Variants in PARM1 observed in about 807,000 individuals in gnomAD.
The protein encoded by PARM1 is prostate androgen-regulated mucin-like protein 1.
A neutral mutation model predicts 24.6 loss-of-function variants in PARM1; 14 were observed. That is an observed-to-expected ratio of 0.57 (90% CI 0.38 to 0.89). PARM1 has a LOEUF of 0.89. PARM1 is among the 40% of genes least tolerant of loss of function. The probability of loss-of-function intolerance (pLI) is 0.00; values close to 1 mark genes in which losing one functional copy is unlikely to be tolerated. For synonymous variants in PARM1, 179 were observed against 156.6 expected, an observed-to-expected ratio of 1.14 and a Z score of -1.07; for missense variants, 362 against 380.4, an observed-to-expected ratio of 0.95 and a Z score of 0.40.
intron 1 of PARM1, among the ~76,000 whole-genome samples, chr4:74,949,388 G>A (rs138322692): frequency 2.0e-5 from 3 of 152,042 alleles, no homozygotes; most frequent in South Asian, 2.1e-4. Flanking sequence ...GCACGATCTC[G>A]GCTCACTGCA....
At chr4:74,948,510 G>A (rs1307971960) in intron 1 of PARM1, among the ~76,000 whole-genome samples, 1 of 152,208 alleles carries the variant, frequency 6.6e-6, no homozygotes, top group Non-Finnish European at 1.5e-5. Flanking sequence ...GAAAAGCACA[G>A]GCACCAGGTG....
intron 1 of PARM1, among the ~76,000 whole-genome samples, chr4:74,948,708 A>C (rs545446103): frequency 2.2e-4 from 34 of 152,328 alleles, no homozygotes; most frequent in African/African-American, 6.0e-4. Flanking sequence ...CTGTGATTAC[A>C]CATCAGCAAA....
At chr4:74,989,727 T>C (rs1281251012) in intron 1 of PARM1, among the ~76,000 whole-genome samples, 1 of 152,170 alleles carries the variant, frequency 6.6e-6, no homozygotes, top group East Asian at 1.9e-4. Flanking sequence ...CTTGGTCTTT[T>C]GGTAACCAGT....
intron 1 of PARM1, among the ~76,000 whole-genome samples, chr4:74,989,009 TA>T (rs1339085149): frequency 1.3e-5 from 2 of 152,190 alleles, no homozygotes; most frequent in African/African-American, 4.8e-5. Context: ...AGAAGTCCTA[TA>T]AGCAGTTTGT....
At chr4:75,004,254 C>T (rs1722732120) in intron 1 of PARM1, among the ~76,000 whole-genome samples, 1 of 152,220 alleles carries the variant, frequency 6.6e-6, no homozygotes, top group Non-Finnish European at 1.5e-5. Context: ...AGCACTTTCT[C>T]TGTGCCAGGC....
At chr4:74,977,276 G>A (rs1352403395) in intron 1 of PARM1, among the ~76,000 whole-genome samples, 8 of 152,156 alleles carry the variant, frequency 5.3e-5, no homozygotes, top group African/African-American at 1.9e-4. Context: ...ATGACCTGAT[G>A]GAGCTGAAAA....
At chr4:75,012,346 G>C in intron 1 of PARM1, 79 bp from the exon 2 acceptor site, 1 of 1,458,810 alleles carries the variant, frequency 6.9e-7, no homozygotes, top group Non-Finnish European at 9.3e-7. Flanking sequence ...TAAAACAGCT[G>C]TGGGTAAAAG....
In PARM1 at chr4:74,947,362, A is replaced by G. The variant is rs539981216; in HGVS notation, c.43+13992A>G. 2.3e-3 allele frequency among the ~76,000 whole-genome samples: 354 copies of G among 151,530 alleles called. 2 individuals are homozygous for G. The highest frequency in any genetic ancestry group is 8.0e-3 in the African/African-American group (329 of 41,282). The stretch of plus-strand genomic sequence containing the variant: ...TTTCTTCAATAAATGAATTACAAGG[A>G]AAAAAAAAGAGATTGAGAGAAAGAT... On this transcript the variant is annotated intron_variant, in intron 1 of 3. Coordinates refer to ENST00000307428, the MANE Select transcript of PARM1 (RefSeq NM_015393.4).
intron 2 of PARM1, among the ~76,000 whole-genome samples, chr4:75,018,397 A>G (rs1297841734): frequency 6.6e-6 from 1 of 152,212 alleles, no homozygotes; most frequent in African/African-American, 2.4e-5. Context: ...TCATATTTTA[A>G]AAGTATTCAA....
intron 1 of PARM1, among the ~76,000 whole-genome samples, chr4:74,979,768 A>G (rs1560782132): frequency 1.3e-5 from 2 of 152,212 alleles, no homozygotes; most frequent in Admixed American, 6.5e-5. Flanking sequence ...TTTATCTGCT[A>G]TGATCAAGTC....
intron 1 of PARM1, among the ~76,000 whole-genome samples, chr4:75,009,663 T>C (rs1360478217): frequency 6.6e-6 from 1 of 152,164 alleles, no homozygotes; most frequent in African/African-American, 2.4e-5. Flanking sequence ...TAAAGTGACA[T>C]GTGGAAAAGA....
At chr4:74,968,900 A>T (rs960025582) in intron 1 of PARM1, among the ~76,000 whole-genome samples, 5 of 152,220 alleles carry the variant, frequency 3.3e-5, no homozygotes, top group Non-Finnish European at 5.9e-5. Flanking sequence ...GGTTCCAGTC[A>T]TTCTGAGAAT....
chr4:74,966,507 A>T (rs905532686), intron 1 of PARM1, among the ~76,000 whole-genome samples: 4 of 152,152 alleles, frequency 2.6e-5, no homozygotes, highest in Non-Finnish European at 5.9e-5. Flanking sequence ...TGTGGTCAGG[A>T]ACTTGATCAG....
chr4:75,002,815 C>G (rs1053329246), intron 1 of PARM1, among the ~76,000 whole-genome samples: 1 of 152,220 alleles, frequency 6.6e-6, no homozygotes, highest in Non-Finnish European at 1.5e-5. Context: ...CTTTGGCCTA[C>G]ACTGCCCCAG....
In PARM1 at chr4:75,046,954, T is replaced by G. The variant is rs1723615667; in HGVS notation, c.*707T>G. The G allele has an allele frequency of 6.6e-6, 1 of 152,372 alleles. No individual in the cohort carries two copies. The allele number at this position is 152,372 out of a possible 1,614,324, so 9.4% of individuals were successfully genotyped here. On this transcript the variant is annotated 3_prime_UTR_variant, in exon 4 of 4. Coordinates refer to ENST00000307428, the MANE Select transcript of PARM1 (RefSeq NM_015393.4). ...GCCACCTGTCTCTGTAAAGGATGTC[T>G]GCTCTGTTCAAAAGGCAGCTGGGAT...
chr4:74,999,376 G>A (rs1352213027), intron 1 of PARM1, among the ~76,000 whole-genome samples: 1 of 152,162 alleles, frequency 6.6e-6, no homozygotes, highest in Non-Finnish European at 1.5e-5. Flanking sequence ...GACCATCTGT[G>A]GGGAGAATAG....
chr4:75,027,820 C>T (rs1286783789), intron 2 of PARM1, among the ~76,000 whole-genome samples: 1 of 152,242 alleles, frequency 6.6e-6, no homozygotes, highest in African/African-American at 2.4e-5. Context: ...AGCCATCACA[C>T]AGCCTAAGGC....
At chr4:74,939,645 T>G (rs1721261451) in intron 1 of PARM1, among the ~76,000 whole-genome samples, 1 of 152,132 alleles carries the variant, frequency 6.6e-6, no homozygotes, top group South Asian at 2.1e-4. Context: ...GCTGGATAAG[T>G]CTATTGGTAT....
At chr4:74,956,762 C>A (rs192083433) in intron 1 of PARM1, 12 of 152,324 alleles carry the variant, frequency 7.9e-5, no homozygotes, top group Admixed American at 7.8e-4. Context: ...CAATGTTAAA[C>A]CTTTTTTCTG....
Sources: allele counts gnomAD v4.1 joint callset (sites outside exome capture counted in the v4.1 genomes callset), GRCh38; gene constraint gnomAD v4.1.1; transcripts MANE v1.5; gene names NCBI Gene and HGNC (gene_info 2026-07-23, HGNC 2026-07-21).